L3MBTL3: variants seen among roughly 807,000 people sequenced by gnomAD.
The protein encoded by L3MBTL3 is L3MBTL histone methyl-lysine binding protein 3, also known as lethal(3)malignant brain tumor-like protein 3.
L3MBTL3 carries 27 observed loss-of-function variants against 102.3 expected under a neutral mutation model. The observed-to-expected ratio is 0.26, with a 90% CI of 0.19 to 0.36. The LOEUF is 0.36. Ranked by LOEUF, L3MBTL3 falls within the 10% of genes least tolerant of loss-of-function variation. The pLI, the probability that L3MBTL3 is intolerant of heterozygous loss-of-function variation, is 1.00. For synonymous variants in L3MBTL3, 340 were observed against 320.9 expected (o/e 1.06, Z -0.64); for missense variants, 798 against 955.3 (o/e 0.84, Z 2.17).
chr6:130,107,405 T>C (rs1029356207), intron 19 of L3MBTL3, among the ~76,000 whole-genome samples: 3 of 152,128 alleles, frequency 2.0e-5, no homozygotes, highest in African/African-American at 4.8e-5. Context: ...TACAAAGAGG[T>C]TGAAAAATAA....
intron 19 of L3MBTL3, among the ~76,000 whole-genome samples, chr6:130,106,002 C>T (rs975971279): frequency 3.9e-5 from 6 of 152,144 alleles, no homozygotes; most frequent in Non-Finnish European, 7.3e-5. Context: ...GTCTTCTGTT[C>T]ACGTGTGGTC....
intron 2 of L3MBTL3, among the ~76,000 whole-genome samples, chr6:130,027,383 C>T (rs778901627): frequency 5.3e-5 from 8 of 152,148 alleles, no homozygotes; most frequent in Non-Finnish European, 1.2e-4. Flanking sequence ...GGTATGATTG[C>T]TTAGGTACCA....
At chr6:130,038,358 A>G (rs553579112) in intron 2 of L3MBTL3, among the ~76,000 whole-genome samples, 4 of 151,702 alleles carry the variant, frequency 2.6e-5, no homozygotes, top group South Asian at 4.2e-4. Context: ...GTTTTCTATA[A>G]TGGCCATACT....
intron 13 of L3MBTL3, among the ~76,000 whole-genome samples, chr6:130,074,432 T>C (rs1384354737): frequency 6.6e-6 from 1 of 152,206 alleles, no homozygotes; most frequent in Non-Finnish European, 1.5e-5. Context: ...TCCTTGACAG[T>C]TGTTAGATTT....
rs535128333 is a variant in L3MBTL3 at position 130,057,491 on chromosome 6, C to T, written c.753C>T (p.Phe251=). 2 of 1,606,712 alleles carry T rather than the reference C, an allele frequency of 1.2e-6. No individual in the cohort carries two copies. Among genetic ancestry groups the T allele is most frequent in the South Asian group, 2.3e-5 (2 of 88,728 alleles). ...EKAVAVPAKL[F]KEHQSFPYNK... is the part of the protein sequence containing the mutation. ...CGGTGGCAGTGCCGGCGAAGCTGTT[C>T]AAGGAGGTACGGGCCCTTCTAGAGA... Residue 251 remains phenylalanine, a synonymous_variant, in exon 9 of 23, where the codon TTC becomes TTT. Coordinates refer to ENST00000361794, the MANE Select transcript of L3MBTL3 (RefSeq NM_032438.4).
rs375809331 is a variant in L3MBTL3 at position 130,078,668 on chromosome 6, G to A, written c.1321+34G>A. On this transcript the variant is annotated intron_variant, in intron 14 of 22. Coordinates refer to ENST00000361794, the MANE Select transcript of L3MBTL3 (RefSeq NM_032438.4). ...TTTTTTAATGTGGCTAATACTATTC[G>A]TAGACTTCAAGAGTAGGCAGACTTT... is the stretch of plus-strand genomic sequence containing the variant. The A allele has an allele frequency of 9.2e-4, 1,299 of 1,405,624 alleles. 1 individual carries two copies. The highest frequency in any genetic ancestry group is 1.2e-3 in the Non-Finnish European group (1,213 of 1,000,486). The allele number at this position is 1,405,624 out of a possible 1,614,324, so 87.1% of individuals were successfully genotyped here.
intron 2 of L3MBTL3, among the ~76,000 whole-genome samples, chr6:130,033,710 T>C (rs9388766): frequency 0.65 from 98,895 of 152,132 alleles, 33,085 homozygotes; most frequent in East Asian, 0.84. Context: ...TTTATAACTA[T>C]TCTTAACTCA....
chr6:130,049,801 A>G lies in L3MBTL3; in HGVS notation c.260A>G (p.Tyr87Cys). ...TCCAGGCCCGTATTTCCACCTGCCT[A>G]CTGGACATCTCCACCTGGATGTCCC... ...PSSRPVFPPA[Y>C]WTSPPGCPTV... The change falls in exon 5 of 23, where the codon TAC becomes TGC. Residue 87 changes from tyrosine (Y) to cysteine (C), a missense_variant. Tyr to Cys is a radical substitution (Grantham distance 194, BLOSUM62 -2). This residue lies in a region of L3MBTL3 where 434 missense variants were observed against 506.6 expected (regional missense o/e 0.86). Coordinates refer to ENST00000361794, the MANE Select transcript of L3MBTL3 (RefSeq NM_032438.4). The G allele has an allele frequency of 2.5e-6, 4 of 1,613,710 alleles. No homozygotes were observed. The highest frequency in any genetic ancestry group is 2.2e-5 in the East Asian group (1 of 44,868).
intron 2 of L3MBTL3, among the ~76,000 whole-genome samples, chr6:130,029,704 T>C (rs1779591334): frequency 6.6e-6 from 1 of 152,130 alleles, no homozygotes; most frequent in Non-Finnish European, 1.5e-5. Context: ...CCTTTTTTGA[T>C]GTAAAGGTAT....
chr6:130,133,471 C>T lies in L3MBTL3; in HGVS notation c.1986C>T (p.Thr662=), dbSNP rs111502673. The change falls in exon 21 of 23, where the codon ACC becomes ACT. Residue 662 remains threonine (T), a synonymous_variant. Transcript: ENST00000361794. The surrounding 1 kb of genome is among the most constrained non-coding windows in gnomAD (Gnocchi z 4.9). ...GACCAGGTGCCCGGGAAGAACCCACCGTCCAGCAGGCACAGCGTCGGTCAG... is the reference window on the plus strand; with the variant it reads ...GACCAGGTGCCCGGGAAGAACCCACTGTCCAGCAGGCACAGCGTCGGTCAG... ...HEARGAREEP[T]VQQAQRRSAV... The T allele has an allele frequency of 0.017, 27,005 of 1,613,920 alleles. 358 individuals carry two copies. The highest frequency in any genetic ancestry group is 0.065 in the Middle Eastern group (390 of 6,004).
In L3MBTL3 at chr6:130,052,913, G is replaced by A. The variant is rs769885097; in HGVS notation, c.504G>A (p.Lys168=). 2 of 1,613,954 alleles carry A rather than the reference G, an allele frequency of 1.2e-6. No individual in the cohort carries two copies. Among genetic ancestry groups the A allele is most frequent in the Admixed American group, 3.3e-5 (2 of 60,028 alleles). ...VEEDNEEEDP[K]CSRKKKPKLS... ...AAGACAATGAGGAAGAAGATCCTAAGTGTAGTCGGAAGAAAAAACCAAAAT... is the reference window on the plus strand; with the variant it reads ...AAGACAATGAGGAAGAAGATCCTAAATGTAGTCGGAAGAAAAAACCAAAAT... The change falls in exon 7 of 23, where the codon AAG becomes AAA. Residue 168 remains lysine (K), a synonymous_variant. Coordinates refer to ENST00000361794, the MANE Select transcript of L3MBTL3 (RefSeq NM_032438.4).
chr6:130,088,924 C>A (rs6569654), intron 16 of L3MBTL3, among the ~76,000 whole-genome samples: 2 of 151,832 alleles, frequency 1.3e-5, no homozygotes, highest in African/African-American at 2.4e-5. Flanking sequence ...AAGTAGTCTT[C>A]TCCTTGTGAC....
intron 19 of L3MBTL3, among the ~76,000 whole-genome samples, chr6:130,111,291 A>G (rs779078609): frequency 2.6e-5 from 4 of 152,218 alleles, no homozygotes; most frequent in Non-Finnish European, 4.4e-5. Flanking sequence ...TGCATATCTC[A>G]GAGTTAGCCC....
At chr6:130,138,907 A>G (rs1314870501) in intron 22 of L3MBTL3, among the ~76,000 whole-genome samples, 1 of 152,144 alleles carries the variant, frequency 6.6e-6, no homozygotes, top group Non-Finnish European at 1.5e-5. Context: ...GAACTTCTAG[A>G]GAATAGTAGC....
At chr6:130,119,183 ACTC>A (rs889076672) in intron 19 of L3MBTL3, among the ~76,000 whole-genome samples, 5 of 151,930 alleles carry the variant, frequency 3.3e-5, no homozygotes, top group Non-Finnish European at 7.4e-5. Flanking sequence ...AATATCAACT[ACTC>A]ATCAGAGCTT....
chr6:130,039,601 T>TTATA (rs148663274), intron 2 of L3MBTL3, among the ~76,000 whole-genome samples: 71,684 of 149,752 alleles, frequency 0.48, 19,920 homozygotes, highest in East Asian at 0.75. Context: ...TTTTTATAGT[T>TTATA]TATATATATA....
At chr6:130,085,726 C>T (rs1223417076) in intron 15 of L3MBTL3, among the ~76,000 whole-genome samples, 1 of 152,034 alleles carries the variant, frequency 6.6e-6, no homozygotes, top group East Asian at 1.9e-4. Flanking sequence ...TCTTTTATGA[C>T]ATCATTCTCT....
Position 130,120,971 on chromosome 6 carries a change from A to T in L3MBTL3, c.1966+13A>T. 1 of 1,552,926 alleles carries T rather than the reference A, an allele frequency of 6.4e-7. No individual in the cohort carries two copies. On this transcript the variant is annotated intron_variant, in intron 20 of 22. Coordinates refer to ENST00000361794, the MANE Select transcript of L3MBTL3 (RefSeq NM_032438.4). ...CATGAAGCCAGAGGTAGCCATAATA[A>T]TTCTCATATTACTAATGTGTATTAC... is the stretch of plus-strand genomic sequence containing the variant.
chr6:130,022,458 T>C (rs1300366856), intron 2 of L3MBTL3, among the ~76,000 whole-genome samples, 153 bp downstream of exon 2: 10 of 152,178 alleles, frequency 6.6e-5, no homozygotes, highest in African/African-American at 9.7e-5. Context: ...TGACACTAAA[T>C]GTAATTGTAG....
Sources: allele counts gnomAD v4.1 joint callset (sites outside exome capture counted in the v4.1 genomes callset), GRCh38; gene constraint gnomAD v4.1.1; regional missense constraint gnomAD v4.1.1; non-coding constraint Gnocchi (gnomAD v3.1); transcripts MANE v1.5; gene names NCBI Gene and HGNC (gene_info 2026-07-23, HGNC 2026-07-21).